INPP5B: variants seen among roughly 807,000 people sequenced by gnomAD.
INPP5B encodes the protein inositol polyphosphate-5-phosphatase B.
In INPP5B, 90 loss-of-function variants were observed where a neutral mutation model predicts 118.5. The ratio of observed to expected loss-of-function variants is 0.76; its 90% CI spans 0.64 to 0.90. The LOEUF (loss-of-function observed/expected upper bound fraction) is 0.90. Among genes scored for constraint, INPP5B ranks in the 40% least tolerant of loss-of-function variants. INPP5B has a pLI of 0.00. For synonymous variants in INPP5B, 385 were observed against 418.9 expected (o/e 0.92, Z 0.99); for missense variants, 984 against 1,125.6 (o/e 0.87, Z 1.80).
chr1:37,908,228 G>T (rs188209824), intron 7 of INPP5B, among the ~76,000 whole-genome samples: 14 of 152,244 alleles, frequency 9.2e-5, no homozygotes, highest in Admixed American at 5.9e-4. Flanking sequence ...AGGACAGGAG[G>T]ACTCCTTCAG....
chr1:37,943,885 A>G lies in INPP5B; in HGVS notation c.161T>C (p.Leu54Pro). 6.2e-7 allele frequency: 1 copy of G among 1,613,294 alleles called. No homozygotes were observed. The highest frequency in any genetic ancestry group is 2.2e-5 in the East Asian group (1 of 44,874). ...EHGGQEHALF[L>P]YTHRRMAITG... The stretch of plus-strand genomic sequence containing the variant: ...AATGGCCATCCTCCGGTGCGTATAG[A>G]GGAAGAGACTAAGGGCAGGAAGCAG... Residue 54 changes from leucine to proline, a missense_variant, in exon 4 of 24, where the codon CTC becomes CCC. Leu to Pro is a moderately conservative substitution (Grantham distance 98, BLOSUM62 -3). Around this residue, in one of 2 missense-constraint regions of INPP5B, gnomAD observed 350 missense variants for 334.6 expected, o/e 1.05. Transcript: ENST00000373024.
At chr1:37,883,533 TTAAGTC>T in intron 13 of INPP5B, 1 of 985,434 alleles carries the variant, frequency 1.0e-6, no homozygotes, top group Non-Finnish European at 1.2e-6. Flanking sequence ...GTACATCTCA[TTAAGTC>T]TAATACTGCT....
intron 6 of INPP5B, among the ~76,000 whole-genome samples, chr1:37,935,883 GGT>G (rs558950395): frequency 1.8e-3 from 269 of 151,986 alleles, no homozygotes; most frequent in Middle Eastern, 0.017. Flanking sequence ...TGGCTAACAT[GGT>G]GAAACCCAGT....
chr1:37,914,864 T>C (rs1447626258), intron 7 of INPP5B, among the ~76,000 whole-genome samples: 1 of 152,112 alleles, frequency 6.6e-6, no homozygotes, highest in Non-Finnish European at 1.5e-5. Context: ...CACCACAATA[T>C]ATGGCACACA....
chr1:37,939,950 GGGCAGTC>G (rs1645853605), intron 6 of INPP5B, among the ~76,000 whole-genome samples: 1 of 151,980 alleles, frequency 6.6e-6, no homozygotes, highest in South Asian at 2.1e-4. Context: ...TTGAATCCAA[GGGCAGTC>G]CCCTTCCTGG....
At chr1:37,941,958 A>AAAATATATATATATAT (rs1427344681) in intron 5 of INPP5B, 10 of 30,346 alleles carry the variant, frequency 3.3e-4, no homozygotes, top group African/African-American at 1.4e-3. Context: ...AAAAAAAAAA[A>AAAATATATATATATAT]ATATATATAT....
chr1:37,894,723 A>G (rs1643960024), intron 7 of INPP5B, among the ~76,000 whole-genome samples: 1 of 152,048 alleles, frequency 6.6e-6, no homozygotes, highest in Non-Finnish European at 1.5e-5. Flanking sequence ...CACCACACTC[A>G]AGTAATTTTT....
chr1:37,885,613 G>A (rs372770102), intron 13 of INPP5B, 25 bp downstream of exon 13: 19 of 1,607,188 alleles, frequency 1.2e-5, no homozygotes, highest in East Asian at 1.1e-4. Flanking sequence ...ATGGTGAACC[G>A]CATGGGGTGG....
chr1:37,897,269 A>G (rs1405835230), intron 7 of INPP5B, among the ~76,000 whole-genome samples: 1 of 150,114 alleles, frequency 6.7e-6, no homozygotes, highest in Non-Finnish European at 1.5e-5. Flanking sequence ...CATGATGACA[A>G]TGGCGGTTTT....
chr1:37,931,973 T>G lies in INPP5B; in HGVS notation c.472A>C (p.Thr158Pro), dbSNP rs373296700. The change falls in exon 7 of 24, where the codon ACG becomes CCG. Residue 158 changes from threonine (T) to proline (P), a missense_variant. By Grantham distance (38) the Thr-to-Pro change is conservative. Around this residue, in one of 2 missense-constraint regions of INPP5B, gnomAD observed 350 missense variants for 334.6 expected, o/e 1.05. Coordinates refer to ENST00000373024, the MANE Select transcript of INPP5B (RefSeq NM_005540.3). The part of the protein sequence containing the change: ...RCAELELEMP[T>P]PRGCNSALVT... Reference sequence around the variant, plus strand: ...AGGGCCGAGTTACAACCGCGCGGCGTTGGCATCTCCAGCTCCAGCTCTGCG... The same window carrying G: ...AGGGCCGAGTTACAACCGCGCGGCGGTGGCATCTCCAGCTCCAGCTCTGCG... 6.2e-7 allele frequency: 1 copy of G among 1,613,692 alleles called. No individual in the cohort carries two copies. The highest frequency in any genetic ancestry group is 8.5e-7 in the Non-Finnish European group (1 of 1,179,944).
At chr1:37,927,212 T>C (rs1645262294) in intron 7 of INPP5B, among the ~76,000 whole-genome samples, 2 of 152,104 alleles carry the variant, frequency 1.3e-5, no homozygotes, top group South Asian at 2.1e-4. Flanking sequence ...GGAGAATTAC[T>C]TGAACCCGGG....
intron 7 of INPP5B, among the ~76,000 whole-genome samples, chr1:37,927,615 C>T (rs1303795644): frequency 6.6e-6 from 1 of 151,530 alleles, no homozygotes; most frequent in Non-Finnish European, 1.5e-5. Flanking sequence ...CAGCTCACTG[C>T]AAGCTCTGCC....
At chr1:37,873,679 T>C (rs1314841103) in intron 18 of INPP5B, among the ~76,000 whole-genome samples, 4 of 152,334 alleles carry the variant, frequency 2.6e-5, no homozygotes, top group South Asian at 2.1e-4. Flanking sequence ...CAAGAGCAGA[T>C]AATTGGGAGT....
intron 7 of INPP5B, among the ~76,000 whole-genome samples, chr1:37,909,549 A>G (rs1008563363): frequency 6.6e-6 from 1 of 152,108 alleles, no homozygotes; most frequent in Non-Finnish European, 1.5e-5. Flanking sequence ...CTCCCAAATC[A>G]GTTAGCGTTT....
chr1:37,923,298 G>A (rs1184012338), intron 7 of INPP5B, among the ~76,000 whole-genome samples: 3 of 152,086 alleles, frequency 2.0e-5, no homozygotes, highest in Admixed American at 6.6e-5. Flanking sequence ...AAAAGTACAG[G>A]GCTTTATCCA....
chr1:37,889,417 G>T (rs1361964395), intron 9 of INPP5B, 140 bp downstream of exon 9: 12 of 661,202 alleles, frequency 1.8e-5, no homozygotes, highest in Non-Finnish European at 3.1e-5. Context: ...AGAATGCATG[G>T]AATCACTCAT....
Position 37,913,786 on chromosome 1 carries a change from G to A in INPP5B, c.532+18127C>T, listed in dbSNP as rs183568913. 2.5e-4 allele frequency among the ~76,000 whole-genome samples: 38 copies of A among 152,220 alleles called. 1 individual carries two copies. The East Asian group carries it at 6.9e-3, about 28-fold the overall frequency. The stretch of plus-strand genomic sequence containing the variant: ...TTTTCTTATTAATATAAGAAGACAG[G>A]AATGTCAGGTCTCTAAGCCCAAGCT... On this transcript the variant is annotated intron_variant, in intron 7 of 23. Coordinates refer to ENST00000373024, the MANE Select transcript of INPP5B (RefSeq NM_005540.3).
rs575098578 is a variant in INPP5B, at chr1:37,931,116, T to TG, written c.532+796dup. ...TCCCCATTATCCACCAACTGCTGGG[T>TG]GGGAAAAAACCTAGTCCTTTTATAA... is the stretch of plus-strand genomic sequence containing the variant. On this transcript the variant is annotated intron_variant, in intron 7 of 23. Transcript: ENST00000373024. 536 of 170,242 alleles carry TG rather than the reference T, an allele frequency of 3.1e-3. 4 individuals are homozygous for TG. The highest frequency in any genetic ancestry group is 8.3e-3 in the Middle Eastern group (3 of 362). The allele number at this position is 170,242 out of a possible 1,614,324, so 10.5% of individuals were successfully genotyped here.
Position 37,878,218 on chromosome 1 carries a change from G to C in INPP5B, c.1647C>G (p.His549Gln). ...QSHMALKTSDHKPVSSVFDIG... is the reference protein window; with the variant it reads ...QSHMALKTSDQKPVSSVFDIG... ...TGTCAAACACTGAGCTGACAGGCTT[G>C]TGGTCACTGGTCTTCAGGGCCATGT... Residue 549 changes from histidine (H) to glutamine (Q), a missense_variant, in exon 16 of 24, where the codon CAC becomes CAG. His to Gln is a conservative substitution (Grantham distance 24). Around this residue, in one of 2 missense-constraint regions of INPP5B, gnomAD observed 634 missense variants for 791.0 expected, o/e 0.80. Transcript: ENST00000373024. 2 of 1,614,146 alleles carry C rather than the reference G, an allele frequency of 1.2e-6. No individual in the cohort carries two copies. Among genetic ancestry groups the C allele is most frequent in the Non-Finnish European group, 1.7e-6 (2 of 1,180,016 alleles).
Sources: allele counts gnomAD v4.1 joint callset (sites outside exome capture counted in the v4.1 genomes callset), GRCh38; gene constraint gnomAD v4.1.1; regional missense constraint gnomAD v4.1.1; transcripts MANE v1.5; gene names NCBI Gene and HGNC (gene_info 2026-07-23, HGNC 2026-07-21).